ATP11A: variants seen among roughly 807,000 people sequenced by gnomAD.
ATP11A encodes phospholipid-transporting ATPase IH.
Under a neutral mutation model 154.4 loss-of-function variants are expected in ATP11A, and 81 were observed. That is an observed-to-expected ratio of 0.52 (90% confidence interval 0.44 to 0.63). ATP11A has a LOEUF of 0.63. Ranked by LOEUF, ATP11A falls within the 30% of genes least tolerant of loss-of-function variation. The probability of loss-of-function intolerance (pLI) is 0.00; values close to 1 mark genes in which losing one functional copy is unlikely to be tolerated. For synonymous variants in ATP11A, 623 were observed against 585.9 expected (o/e 1.06, Z -0.91); for missense variants, 1,316 against 1,474.3 (o/e 0.89, Z 1.76).
chr13:112,831,979 AC>A (rs1185243278), intron 13 of ATP11A, among the ~76,000 whole-genome samples: 2 of 151,022 alleles, frequency 1.3e-5, no homozygotes, highest in South Asian at 2.1e-4. Flanking sequence ...ATGCCCAGAC[AC>A]CGTGTGCACA....
At chr13:112,865,828 G>A (rs546083339) in intron 25 of ATP11A, among the ~76,000 whole-genome samples, 6 of 152,384 alleles carry the variant, frequency 3.9e-5, no homozygotes, top group Admixed American at 3.3e-4. Flanking sequence ...TGGGATTACA[G>A]GCGTGAGCCA....
At chr13:112,854,007 G>A (rs889696638) in intron 18 of ATP11A, among the ~76,000 whole-genome samples, 3 of 152,166 alleles carry the variant, frequency 2.0e-5, no homozygotes, top group Non-Finnish European at 2.9e-5. Context: ...CTTGTCAGAC[G>A]TCAGTGACAC....
intron 1 of ATP11A, among the ~76,000 whole-genome samples, chr13:112,700,735 A>T (rs1395977065): frequency 6.6e-6 from 1 of 151,918 alleles, no homozygotes; most frequent in African/African-American, 2.4e-5. Context: ...TTCCACGGCC[A>T]CTCCAACATG....
intron 2 of ATP11A, among the ~76,000 whole-genome samples, chr13:112,800,267 G>A (rs2078099414): frequency 6.6e-6 from 1 of 151,046 alleles, no homozygotes; most frequent in Non-Finnish European, 1.5e-5. Context: ...CTAAACAAGA[G>A]GAAAAGAAAA....
intron 26 of ATP11A, 78 bp from the exon 27 acceptor site, chr13:112,873,495 G>A (rs933204340): frequency 8.5e-5 from 94 of 1,109,472 alleles, no homozygotes; most frequent in Non-Finnish European, 1.0e-4. Context: ...GTCACCCCCC[G>A]GCTCTCTGTC....
At chr13:112,781,186 C>T in intron 1 of ATP11A, among the ~76,000 whole-genome samples, 1 of 151,988 alleles carries the variant, frequency 6.6e-6, no homozygotes, top group Admixed American at 6.6e-5. Flanking sequence ...TACAGGCGCC[C>T]ACATGCCCGG....
chr13:112,854,432 C>A lies in ATP11A; in HGVS notation c.2145C>A (p.Thr715=). 6.2e-7 allele frequency: 1 copy of A among 1,613,280 alleles called. No homozygotes were observed. Residue 715 remains threonine, a synonymous_variant, in exon 19 of 30, where the codon ACC becomes ACA. Transcript: ENST00000375645. ...ACACGCAGCTGCTGGAGCTGACCAC[C>A]AAGAGGATCGAGGAGCAGAGCCTGC... ...RRNTQLLELT[T]KRIEEQSLHD... is the part of the protein sequence containing the mutation.
chr13:112,744,014 G>A (rs987744190), intron 1 of ATP11A, among the ~76,000 whole-genome samples: 3 of 152,240 alleles, frequency 2.0e-5, no homozygotes, highest in African/African-American at 7.2e-5. Context: ...TGCTGGTATG[G>A]ACGTGGTCAT....
intron 9 of ATP11A, 59 bp from the exon 10 acceptor site, chr13:112,824,285 C>T: frequency 7.5e-7 from 1 of 1,334,776 alleles, no homozygotes; most frequent in Non-Finnish European, 1.1e-6. Flanking sequence ...GTGTGTAACT[C>T]ACCATAAGGC....
rs1214384142 is a variant in ATP11A at position 112,813,876 on chromosome 13, C to A, written c.442-2207C>A. ...TGTCAGTAAAAATAACTCTTCATGT[C>A]TTTTATCCATTTTTCTAGCTGGATT... On this transcript the variant is annotated intron_variant, in intron 5 of 29. Transcript: ENST00000375645. Among the ~76,000 whole-genome samples the A allele has an allele frequency of 3.3e-5, 5 of 151,880 alleles. No homozygotes were observed. The East Asian group carries it at 5.8e-4, about 18-fold the overall frequency.
intron 1 of ATP11A, among the ~76,000 whole-genome samples, chr13:112,751,749 A>G (rs1321464465): frequency 7.2e-6 from 1 of 139,154 alleles, no homozygotes; most frequent in Admixed American, 7.1e-5. Context: ...CCTTTTTTTG[A>G]GACAGGGTCT....
At chr13:112,872,349 A>G (rs902899373) in intron 26 of ATP11A, among the ~76,000 whole-genome samples, 1 of 152,234 alleles carries the variant, frequency 6.6e-6, no homozygotes, top group African/African-American at 2.4e-5. Flanking sequence ...AGTGGCTCAC[A>G]CCTGTAGTTC....
intron 1 of ATP11A, among the ~76,000 whole-genome samples, chr13:112,718,502 G>A (rs746160402): frequency 2.6e-5 from 4 of 152,160 alleles, no homozygotes; most frequent in East Asian, 1.9e-4. Context: ...AGCCGCCTCC[G>A]CTGGGGGTCC....
chr13:112,727,833 C>T (rs530451714), intron 1 of ATP11A, among the ~76,000 whole-genome samples: 1 of 152,376 alleles, frequency 6.6e-6, no homozygotes, highest in East Asian at 1.9e-4. Flanking sequence ...GGGACTCCGG[C>T]GCTGGGCGAG....
At chr13:112,837,564 CT>C (rs949969669) in intron 16 of ATP11A, among the ~76,000 whole-genome samples, 2 of 152,226 alleles carry the variant, frequency 1.3e-5, no homozygotes, top group African/African-American at 4.8e-5. Context: ...CAGAGCAGGG[CT>C]TCATTAAGAG....
intron 1 of ATP11A, among the ~76,000 whole-genome samples, chr13:112,740,435 A>G (rs1012335925): frequency 1.3e-5 from 2 of 152,246 alleles, no homozygotes; most frequent in South Asian, 2.1e-4. Context: ...CAGCCTCCCA[A>G]AGTGCTGGGA....
intron 1 of ATP11A, among the ~76,000 whole-genome samples, chr13:112,710,962 G>GAGCC (rs1475959112): frequency 2.2e-5 from 1 of 44,562 alleles, no homozygotes; most frequent in Non-Finnish European, 5.5e-5. Flanking sequence ...CAACCACCCG[G>GAGCC]AGCCACCCAC....
At chr13:112,878,132 C>A in intron 28 of ATP11A, 85 bp from the exon 29 acceptor site, 1 of 1,248,220 alleles carries the variant, frequency 8.0e-7, no homozygotes, top group Non-Finnish European at 1.2e-6. Flanking sequence ...CTTCCCATTT[C>A]CTTCCGTCTT....
chr13:112,778,657 C>T (rs533341127), intron 1 of ATP11A, among the ~76,000 whole-genome samples: 1 of 149,044 alleles, frequency 6.7e-6, no homozygotes, highest in East Asian at 2.0e-4. Context: ...GGAGTAGCCG[C>T]TGGAGTGAGG....
Sources: allele counts gnomAD v4.1 joint callset (sites outside exome capture counted in the v4.1 genomes callset), GRCh38; gene constraint gnomAD v4.1.1; transcripts MANE v1.5; gene names NCBI Gene and HGNC (gene_info 2026-07-23, HGNC 2026-07-21).